Variants in MECOM observed in about 807,000 individuals in gnomAD.
MECOM encodes the protein histone-lysine N-methyltransferase MECOM.
MECOM carries 13 observed loss-of-function variants against 116.3 expected under a neutral mutation model. The observed-to-expected ratio is 0.11, with a 90% CI of 0.07 to 0.18. The LOEUF (loss-of-function observed/expected upper bound fraction) is 0.18. MECOM is among the 10% of genes least tolerant of loss of function. The pLI is 1.00. For missense variants in MECOM, 1,299 were observed against 1,509.0 expected, an observed-to-expected ratio of 0.86 and a Z score of 2.31; for synonymous variants, 528 against 535.2, an observed-to-expected ratio of 0.99 and a Z score of 0.19.
At chr3:169,493,796 C>T (rs1753448701) in intron 1 of MECOM, among the ~76,000 whole-genome samples, 1 of 152,020 alleles carries the variant, frequency 6.6e-6, no homozygotes, top group African/African-American at 2.4e-5. Context: ...TCAACTTAAG[C>T]TGTTGAAAGC....
chr3:169,483,476 G>A (rs1046557250), intron 1 of MECOM, among the ~76,000 whole-genome samples: 3 of 139,902 alleles, frequency 2.1e-5, no homozygotes, highest in Admixed American at 7.4e-5. Context: ...GTATTACCAC[G>A]AGAATTGAAA....
intron 1 of MECOM, among the ~76,000 whole-genome samples, chr3:169,618,570 T>C (rs1025754042): frequency 6.6e-6 from 1 of 151,908 alleles, no homozygotes; most frequent in Admixed American, 6.6e-5. Flanking sequence ...GGCAGAAGAA[T>C]TGCTTGAACC....
At chr3:169,659,497 A>G (rs1288556014) in intron 1 of MECOM, among the ~76,000 whole-genome samples, 1 of 131,658 alleles carries the variant, frequency 7.6e-6, no homozygotes, top group Non-Finnish European at 1.5e-5. Context: ...AAATACTGCA[A>G]GAAGACTGTG....
chr3:169,475,189 A>G (rs1750152544), intron 1 of MECOM, among the ~76,000 whole-genome samples: 1 of 152,218 alleles, frequency 6.6e-6, no homozygotes, highest in Non-Finnish European at 1.5e-5. Context: ...TCTATAGGGG[A>G]AAAAAGACAA....
At chr3:169,106,377 T>C (rs6772430) in intron 10 of MECOM, among the ~76,000 whole-genome samples, 95,885 of 151,900 alleles carry the variant, frequency 0.63, 30,446 homozygotes, top group Admixed American at 0.68. Flanking sequence ...GCATACAACG[T>C]GAAATAATCA....
At position 169,115,922 on chromosome 3, in the gene MECOM, C is replaced by T. The variant is rs200733656; in HGVS notation, c.1950G>A (p.Glu650=). 1.8e-5 allele frequency: 29 copies of T among 1,614,094 alleles called. No homozygotes were observed. In the East Asian group the frequency reaches 5.3e-4, roughly 30 times the overall value. ...TCACAGCTCCTGACACCGCAGTCTG[C>T]TCCTCTAAAGATGGTGAGAAAATGG... is the stretch of plus-strand genomic sequence containing the variant. ...NHSIFSPSLE[E]QTAVSGAVND... The change falls in exon 8 of 17, where the codon GAG becomes GAA. Residue 650 remains glutamate (E), a synonymous_variant. Transcript: ENST00000651503.
chr3:169,618,742 C>T lies in MECOM; in HGVS notation c.37+44594G>A, dbSNP rs142775435. ...AAATTTCACCATGGCTTACACCCAC[C>T]TAAAAAAATCAGAATAATTCTGGTT... On this transcript the variant is annotated intron_variant, in intron 1 of 16. Transcript: ENST00000651503. 2.0e-5 allele frequency among the ~76,000 whole-genome samples: 3 copies of T among 152,212 alleles called. No homozygotes were observed. In the East Asian group the frequency reaches 5.8e-4, roughly 29 times the overall value.
chr3:169,227,130 A>C (rs1752822359), intron 2 of MECOM, among the ~76,000 whole-genome samples: 1 of 152,166 alleles, frequency 6.6e-6, no homozygotes, highest in Non-Finnish European at 1.5e-5. Flanking sequence ...TTTCTAGAGA[A>C]AGGTGAGAGC....
intron 1 of MECOM, among the ~76,000 whole-genome samples, chr3:169,627,801 A>C (rs1771560381): frequency 6.6e-6 from 1 of 152,214 alleles, no homozygotes; most frequent in African/African-American, 2.4e-5. Context: ...AATGGCCTTT[A>C]CCATAAAGCA....
At chr3:169,095,520 T>C (rs1397853594) in intron 12 of MECOM, among the ~76,000 whole-genome samples, 1 of 152,128 alleles carries the variant, frequency 6.6e-6, no homozygotes, top group African/African-American at 2.4e-5. Context: ...GTAAACCTCA[T>C]AAAATAAAGC....
At chr3:169,551,518 G>A (rs1761405326) in intron 1 of MECOM, among the ~76,000 whole-genome samples, 1 of 152,198 alleles carries the variant, frequency 6.6e-6, no homozygotes, top group African/African-American at 2.4e-5. Flanking sequence ...ACAACTGAGA[G>A]TCTTTTCTAG....
intron 1 of MECOM, among the ~76,000 whole-genome samples, chr3:169,433,965 G>A (rs1228208098): frequency 3.9e-5 from 6 of 152,110 alleles, no homozygotes; most frequent in African/African-American, 1.4e-4. Context: ...GGAAAAAAAA[G>A]GGTTTATTCT....
intron 1 of MECOM, among the ~76,000 whole-genome samples, chr3:169,418,823 T>C (rs1391723285): frequency 1.3e-5 from 2 of 152,204 alleles, no homozygotes; most frequent in African/African-American, 2.4e-5. Flanking sequence ...AGCATTCCTT[T>C]TGAAAACCGG....
intron 2 of MECOM, among the ~76,000 whole-genome samples, chr3:169,276,731 TAAG>T (rs1400550912): frequency 3.3e-5 from 5 of 152,246 alleles, no homozygotes; most frequent in Non-Finnish European, 7.4e-5. Flanking sequence ...AAGGTACGCA[TAAG>T]AAGATCTGGT....
chr3:169,106,928 T>C (rs1725632823), intron 10 of MECOM, among the ~76,000 whole-genome samples: 1 of 152,126 alleles, frequency 6.6e-6, no homozygotes, highest in Admixed American at 6.6e-5. Flanking sequence ...AATATTTGTG[T>C]ACATTTGAAA....
At chr3:169,156,145 GC>G (rs1223765554) in intron 2 of MECOM, among the ~76,000 whole-genome samples, 2 of 152,148 alleles carry the variant, frequency 1.3e-5, no homozygotes, top group African/African-American at 4.8e-5. Flanking sequence ...AACTCAGAGA[GC>G]TAACTTCACC....
intron 1 of MECOM, among the ~76,000 whole-genome samples, chr3:169,524,354 G>T (rs1343034): frequency 0.47 from 71,673 of 151,844 alleles, 17,931 homozygotes; most frequent in African/African-American, 0.63. Context: ...TCCTCTGACA[G>T]TTTGCAGAGG....
At chr3:169,463,258 A>G (rs191565336) in intron 1 of MECOM, among the ~76,000 whole-genome samples, 12 of 152,332 alleles carry the variant, frequency 7.9e-5, no homozygotes, top group Non-Finnish European at 1.3e-4. Context: ...CCTATATGGC[A>G]TCATTCATCT....
At chr3:169,097,718 C>T (rs914873949) in intron 12 of MECOM, among the ~76,000 whole-genome samples, 1 of 149,676 alleles carries the variant, frequency 6.7e-6, no homozygotes, top group Non-Finnish European at 1.5e-5. Context: ...TACTATAATC[C>T]CTTCTCCTGC....
Sources: allele counts gnomAD v4.1 joint callset (sites outside exome capture counted in the v4.1 genomes callset), GRCh38; gene constraint gnomAD v4.1.1; transcripts MANE v1.5; gene names NCBI Gene and HGNC (gene_info 2026-07-23, HGNC 2026-07-21).